SLU7: variants seen among roughly 807,000 people sequenced by gnomAD.
SLU7 encodes spliceosome associated SLU7.
A neutral mutation model predicts 87.0 loss-of-function variants in SLU7; 60 were observed. That is an observed-to-expected ratio of 0.69 (90% confidence interval 0.56 to 0.86). The LOEUF is 0.86. Among genes scored for constraint, SLU7 ranks in the 40% least tolerant of loss-of-function variants. SLU7 has a pLI of 0.00. For synonymous variants in SLU7, 197 were observed against 222.0 expected, an observed-to-expected ratio of 0.89 and a Z score of 1.00; for missense variants, 507 against 686.6, an observed-to-expected ratio of 0.74 and a Z score of 2.92.
At chr5:160,413,736 C>T (rs1398156656) in intron 4 of SLU7, 116 bp from the exon 5 acceptor site, 1 of 1,073,750 alleles carries the variant, frequency 9.3e-7, no homozygotes, top group Non-Finnish European at 1.3e-6. Context: ...GTTAGTCTTA[C>T]AGTAGAAAAT....
intron 12 of SLU7, among the ~76,000 whole-genome samples, chr5:160,405,474 G>A (rs1409600786): frequency 6.6e-6 from 1 of 152,170 alleles, no homozygotes; most frequent in Non-Finnish European, 1.5e-5. Context: ...CATTAGATAG[G>A]GCTTGTGTTC....
chr5:160,412,286 C>G (rs541839250), intron 6 of SLU7, among the ~76,000 whole-genome samples, 165 bp downstream of exon 6: 1 of 152,174 alleles, frequency 6.6e-6, no homozygotes, highest in African/African-American at 2.4e-5. Flanking sequence ...CTGACTGCAT[C>G]AATTTATATT....
chr5:160,409,734 G>A (rs10057232), intron 6 of SLU7, among the ~76,000 whole-genome samples: 4,067 of 152,092 alleles, frequency 0.027, 186 homozygotes, highest in African/African-American at 0.093. Flanking sequence ...AACACTGAAC[G>A]GCCATTAAAA....
At chr5:160,412,588 G>T in intron 5 of SLU7, 69 bp from the exon 6 acceptor site, 2 of 898,066 alleles carry the variant, frequency 2.2e-6, no homozygotes, top group African/African-American at 1.8e-5. Flanking sequence ...CAACATTCAA[G>T]TCACCACCTA....
At chr5:160,411,405 G>A (rs1038089798) in intron 6 of SLU7, among the ~76,000 whole-genome samples, 2 of 152,036 alleles carry the variant, frequency 1.3e-5, no homozygotes, top group Admixed American at 1.3e-4. Context: ...TTTTAGTAAA[G>A]ATGAGGTTTC....
rs1169917996 is a variant in SLU7 at position 160,415,357 on chromosome 5, TTCAC to T, written c.-16-51_-16-48del. On this transcript the variant is annotated intron_variant, in intron 1 of 15. Transcript: ENST00000297151. ...ACAGTAAAAAGTAGGCCTTCATGAA[TTCAC>T]TCAAACTACCAAAAATACATCCTAA... The T allele has an allele frequency of 1.1e-5, 15 of 1,404,602 alleles. 1 individual carries two copies. In the East Asian group the frequency reaches 2.9e-4, roughly 27 times the overall value. 87.0% of individuals were successfully genotyped at this position (1,404,602 alleles called of 1,614,324 possible).
At chr5:160,408,570 C>T (rs1396046783) in intron 7 of SLU7, 80 bp downstream of exon 7, 12 of 1,404,966 alleles carry the variant, frequency 8.5e-6, no homozygotes, top group Non-Finnish European at 6.9e-6. Context: ...TCTTTAAAAG[C>T]TATTATTAGT....
chr5:160,406,722 G>T, intron 11 of SLU7, 93 bp from the exon 12 acceptor site: 1 of 1,048,800 alleles, frequency 9.5e-7, no homozygotes, highest in Admixed American at 2.7e-5. Context: ...GAAAGAAAGG[G>T]AACATTCTTT....
chr5:160,405,870 A>G lies in SLU7; in HGVS notation c.1287+598T>C, dbSNP rs541050014. On this transcript the variant is annotated intron_variant, in intron 12 of 15. Coordinates refer to ENST00000297151, the MANE Select transcript of SLU7 (RefSeq NM_006425.5). ...CACCGTCATGAAAATGAAGAGATACACTCTAGAAAAGAGACATAATAACCG... is the reference window on the plus strand; with the variant it reads ...CACCGTCATGAAAATGAAGAGATACGCTCTAGAAAAGAGACATAATAACCG... 4.6e-5 allele frequency among the ~76,000 whole-genome samples: 7 copies of G among 152,262 alleles called. No homozygotes were observed. In the South Asian group the frequency reaches 1.2e-3, roughly 27 times the overall value.
chr5:160,415,736 C>G (rs1231543910), intron 1 of SLU7, among the ~76,000 whole-genome samples: 1 of 152,212 alleles, frequency 6.6e-6, no homozygotes, highest in African/African-American at 2.4e-5. Flanking sequence ...CTCACTCTAA[C>G]TTAGCCCTCC....
chr5:160,404,369 A>C (rs2113096026), intron 15 of SLU7, 71 bp downstream of exon 15: 1 of 1,003,618 alleles, frequency 1.0e-6, no homozygotes, highest in East Asian at 2.4e-5. Flanking sequence ...TGTCTCAAAA[A>C]AATAAAAACA....
At chr5:160,412,359 A>ACT in intron 6 of SLU7, 92 bp downstream of exon 6, 1 of 787,264 alleles carries the variant, frequency 1.3e-6, no homozygotes, top group Non-Finnish European at 2.2e-6. Flanking sequence ...TCTCTTCCTA[A>ACT]CTGAAGAGCT....
At chr5:160,406,385 G>C (rs1765013318) in intron 12 of SLU7, 83 bp downstream of exon 12, 1 of 1,011,872 alleles carries the variant, frequency 9.9e-7, no homozygotes, top group African/African-American at 1.7e-5. Flanking sequence ...AATACAAATG[G>C]TTAGCTAATA....
intron 1 of SLU7, among the ~76,000 whole-genome samples, chr5:160,417,516 G>A (rs955700386): frequency 2.6e-5 from 4 of 152,030 alleles, no homozygotes; most frequent in Non-Finnish European, 5.9e-5. Flanking sequence ...ACCTGGGTGC[G>A]ATGGTTCACA....
At position 160,407,706 on chromosome 5, in the gene SLU7, G is replaced by T; in HGVS notation, c.985+40C>A. Reference sequence around the variant, plus strand: ...CTTTAAACAATCCCAAACGTCTTATGAGCTGATATAAAATGGCTTGACATA... The same window carrying T: ...CTTTAAACAATCCCAAACGTCTTATTAGCTGATATAAAATGGCTTGACATA... On this transcript the variant is annotated intron_variant, in intron 10 of 15. Coordinates refer to ENST00000297151, the MANE Select transcript of SLU7 (RefSeq NM_006425.5). This position sits in a 1 kb window ranked among gnomAD's most constrained non-coding sequence, Gnocchi z 4.2. The T allele has an allele frequency of 6.2e-7, 1 of 1,603,782 alleles. No homozygotes were observed. The highest frequency in any genetic ancestry group is 2.2e-5 in the East Asian group (1 of 44,814).
intron 3 of SLU7, 62 bp from the exon 4 acceptor site, chr5:160,414,041 A>C: frequency 9.9e-7 from 1 of 1,007,418 alleles, no homozygotes; most frequent in Non-Finnish European, 1.5e-6. Flanking sequence ...AATAACTTTG[A>C]CTCTCATTAC....
intron 14 of SLU7, 64 bp from the exon 15 acceptor site, chr5:160,404,620 G>A (rs1197107228): frequency 1.8e-6 from 2 of 1,105,072 alleles, no homozygotes; most frequent in Non-Finnish European, 2.7e-6. Flanking sequence ...GCACTACTTG[G>A]GCGGCTGAGG....
chr5:160,417,499 TA>T (rs1765504254), intron 1 of SLU7, among the ~76,000 whole-genome samples: 1 of 152,036 alleles, frequency 6.6e-6, no homozygotes. Context: ...TCATAACGAA[TA>T]GTGACACCTG....
intron 6 of SLU7, among the ~76,000 whole-genome samples, chr5:160,410,945 C>A (rs1765206583): frequency 6.6e-6 from 1 of 151,696 alleles, no homozygotes. Flanking sequence ...TGGCTCACTG[C>A]AAGCTCTGCC....
Sources: allele counts gnomAD v4.1 joint callset (sites outside exome capture counted in the v4.1 genomes callset), GRCh38; gene constraint gnomAD v4.1.1; non-coding constraint Gnocchi (gnomAD v3.1); transcripts MANE v1.5; gene names NCBI Gene and HGNC (gene_info 2026-07-23, HGNC 2026-07-21).